The following OGFR variants were observed in gnomAD, a reference collection of about 807,000 sequenced individuals.
The protein encoded by OGFR is protein 7-60.
In OGFR, 18 loss-of-function variants were observed where a neutral mutation model predicts 33.6. That is an observed-to-expected ratio of 0.54 (90% CI 0.37 to 0.80). The LOEUF is 0.80. Among genes scored for constraint, OGFR ranks in the 30% least tolerant of loss-of-function variants. The probability of loss-of-function intolerance (pLI) is 0.00; values close to 1 mark genes in which losing one functional copy is unlikely to be tolerated. For synonymous variants in OGFR, 370 were observed against 400.7 expected (o/e 0.92, Z 0.91); for missense variants, 877 against 955.8 (o/e 0.92, Z 1.09).
chr20:62,809,627 A>G lies in OGFR; in HGVS notation c.362A>G (p.Tyr121Cys), dbSNP rs772512042. The G allele has an allele frequency of 1.3e-6, 2 of 1,582,522 alleles. No individual in the cohort carries two copies. Among genetic ancestry groups the G allele is most frequent in the Non-Finnish European group, 1.7e-6 (2 of 1,160,582 alleles). Reference sequence around the variant, plus strand: ...ATTCTTCAGAACTGGACGGACAACTATGACCTCCTTGAGGACAATCACTCC... The same window carrying G: ...ATTCTTCAGAACTGGACGGACAACTGTGACCTCCTTGAGGACAATCACTCC... The part of the protein sequence containing the change: ...EDILQNWTDN[Y>C]DLLEDNHSYI... Residue 121 changes from tyrosine to cysteine, a missense_variant, in exon 4 of 7, where the codon TAT becomes TGT. Physicochemically the swap from Tyr to Cys is radical, Grantham distance 194 (BLOSUM62 -2). Around this residue, in one of 3 missense-constraint regions of OGFR, gnomAD observed 760 missense variants for 736.0 expected, o/e 1.03. Coordinates refer to ENST00000290291, the MANE Select transcript of OGFR (RefSeq NM_007346.4).
intron 6 of OGFR, 52 bp from the exon 7 acceptor site, chr20:62,812,178 C>T: frequency 7.0e-7 from 1 of 1,432,274 alleles, no homozygotes; most frequent in Non-Finnish European, 9.2e-7. Flanking sequence ...GGGGTGCGGC[C>T]CAGCAGGAGG....
chr20:62,811,361 A>G, intron 5 of OGFR, 101 bp from the exon 6 acceptor site: 1 of 1,245,634 alleles, frequency 8.0e-7, no homozygotes, highest in Non-Finnish European at 1.1e-6. Flanking sequence ...CTGTCTGTCT[A>G]GTCCAGGCCT....
chr20:62,807,436 C>A, intron 1 of OGFR, 101 bp from the exon 2 acceptor site: 1 of 1,002,080 alleles, frequency 1.0e-6, no homozygotes, highest in Non-Finnish European at 1.5e-6. Context: ...CCTTTAAAGA[C>A]AGCTCTGTGG....
rs1226093403 is a variant in OGFR, at chr20:62,813,189, G to A, written c.1574G>A (p.Ser525Asn). 6.5e-7 allele frequency: 1 copy of A among 1,528,784 alleles called. No individual in the cohort carries two copies. Among genetic ancestry groups the A allele is most frequent in the Non-Finnish European group, 8.9e-7 (1 of 1,119,364 alleles). 94.7% of individuals were successfully genotyped at this position (1,528,784 alleles called of 1,614,324 possible). A position where few individuals can be genotyped will look rare whatever the true frequency, so the allele number is the denominator to read the frequency against. Residue 525 changes from serine to asparagine, a missense_variant, in exon 7 of 7, where the codon AGC (serine) becomes AAC (asparagine). By Grantham distance (46) the Ser-to-Asn change is conservative (BLOSUM62 1). Transcript: ENST00000290291. The stretch of plus-strand genomic sequence containing the variant: ...AGCCCATCGGAGACCCCAGGCCCCA[G>A]CCCAGCAGGACCTGCAGGGGACGAG... ...PGSPSETPGP[S>N]PAGPAGDEPA...
In OGFR at chr20:62,813,789, C is replaced by T. The variant is rs189026048; in HGVS notation, c.*140C>T. 3.0e-5 allele frequency: 31 copies of T among 1,027,362 alleles called. No homozygotes were observed. The African/African-American group carries it at 3.4e-4, about 11-fold the overall frequency. The allele number at this position is 1,027,362 out of a possible 1,614,324, so 63.6% of individuals were successfully genotyped here. A position where few individuals can be genotyped will look rare whatever the true frequency, so the allele number is the denominator to read the frequency against. On this transcript the variant is annotated 3_prime_UTR_variant, in exon 7 of 7. Coordinates refer to ENST00000290291, the MANE Select transcript of OGFR (RefSeq NM_007346.4). ...CCACAGTGCTGGCCTCCTGTGGGGCCACTATAGCAGCCACCAGAAGCCGCG... is the reference window on the plus strand; with the variant it reads ...CCACAGTGCTGGCCTCCTGTGGGGCTACTATAGCAGCCACCAGAAGCCGCG...
chr20:62,813,667 G>A lies in OGFR; in HGVS notation c.*18G>A, dbSNP rs201438021. The A allele has an allele frequency of 8.3e-5, 133 of 1,609,990 alleles. No homozygotes were observed. In the Admixed American group the frequency reaches 9.7e-4, roughly 12 times the overall value. ...AGCCTTAAGGAAAGGAGTGCCCGTC[G>A]GCGTCTTGGTCCTCCTGTCCCTGCT... On this transcript the variant is annotated 3_prime_UTR_variant, in exon 7 of 7. Transcript: ENST00000290291.
intron 3 of OGFR, among the ~76,000 whole-genome samples, chr20:62,809,243 G>C (rs932232847): frequency 1.7e-4 from 26 of 152,172 alleles, no homozygotes; most frequent in African/African-American, 6.3e-4. Context: ...GACGGGCCAC[G>C]CTTTTGCAGG....
In OGFR at chr20:62,811,625, C is replaced by CG; in HGVS notation, c.614+15_614+16insG. 1 of 1,548,456 alleles carries CG rather than the reference C, an allele frequency of 6.5e-7. No homozygotes were observed. Among genetic ancestry groups the CG allele is most frequent in the Non-Finnish European group, 8.7e-7 (1 of 1,145,118 alleles). On this transcript the variant is annotated intron_variant, in intron 6 of 6. Transcript: ENST00000290291. ...AACCTGAACTGGTGAGGCCCGGCTG[C>CG]TCCCGCCCACCCCCACCCCGGCGCA...
intron 5 of OGFR, among the ~76,000 whole-genome samples, 161 bp downstream of exon 5, chr20:62,810,726 T>C (rs1378834394): frequency 6.6e-6 from 1 of 152,166 alleles, no homozygotes; most frequent in Non-Finnish European, 1.5e-5. Context: ...ATGATGACCT[T>C]CCCTCCCCAG....
intron 1 of OGFR, chr20:62,805,424 T>TGGGGCCCGGGCC (rs1360587458): frequency 6.8e-6 from 1 of 148,002 alleles, no homozygotes; most frequent in Non-Finnish European, 1.5e-5. Context: ...GGGCTGGGGC[T>TGGGGCCCGGGCC]GGGGCCCGGG....
intron 5 of OGFR, among the ~76,000 whole-genome samples, chr20:62,810,961 C>T (rs1164379659): frequency 2.0e-5 from 3 of 152,230 alleles, no homozygotes; most frequent in East Asian, 1.9e-4. Flanking sequence ...CCATGGCCAG[C>T]GACTTCCTCT....
In OGFR at chr20:62,813,180, C is replaced by G. The variant is rs777715635; in HGVS notation, c.1565C>G (p.Pro522Arg). 4.6e-6 allele frequency: 7 copies of G among 1,528,620 alleles called. No homozygotes were observed. The highest frequency in any genetic ancestry group is 6.3e-6 in the Non-Finnish European group (7 of 1,119,406). The allele number at this position is 1,528,620 out of a possible 1,614,324, so 94.7% of individuals were successfully genotyped here. A position where few individuals can be genotyped will look rare whatever the true frequency, so the allele number is the denominator to read the frequency against. ...EGTPGSPSET[P>R]GPSPAGPAGD... ...ACCCCTGGGAGCCCATCGGAGACCC[C>G]AGGCCCCAGCCCAGCAGGACCTGCA... Residue 522 changes from proline (P) to arginine (R), a missense_variant, in exon 7 of 7, where the codon CCA (proline) becomes CGA (arginine). Pro to Arg is a moderately radical substitution (Grantham distance 103, BLOSUM62 -2). Transcript: ENST00000290291.
intron 1 of OGFR, chr20:62,807,301 GC>G: frequency 3.6e-6 from 2 of 562,796 alleles, no homozygotes; most frequent in Admixed American, 3.2e-5. Context: ...CCTGGCTACC[GC>G]AGCCCTCTCT....
chr20:62,811,120 G>C (rs1030279684), intron 5 of OGFR, among the ~76,000 whole-genome samples: 1 of 152,254 alleles, frequency 6.6e-6, no homozygotes, highest in African/African-American at 2.4e-5. Context: ...CCAGCACTTT[G>C]AGAGGCTGAG....
chr20:62,805,061 G>A, intron 1 of OGFR, 31 bp downstream of exon 1: 43 of 1,297,254 alleles, frequency 3.3e-5, no homozygotes, highest in Non-Finnish European at 4.1e-5. Context: ...AGAGGCCTGG[G>A]GTCCCCGGCG....
At chr20:62,807,798 G>A in intron 2 of OGFR, 193 bp downstream of exon 2, 1 of 625,064 alleles carries the variant, frequency 1.6e-6, no homozygotes, top group Non-Finnish European at 2.8e-6. Flanking sequence ...GGGAGACCGG[G>A]GGCATCCCCC....
At position 62,812,706 on chromosome 20, in the gene OGFR, A is replaced by G; in HGVS notation, c.1091A>G (p.Asp364Gly). Residue 364 changes from aspartate to glycine, a missense_variant, in exon 7 of 7, where the codon GAT (aspartate) becomes GGT (glycine). Physicochemically the swap from Asp to Gly is moderately conservative, Grantham distance 94. Coordinates refer to ENST00000290291, the MANE Select transcript of OGFR (RefSeq NM_007346.4). ...DAGPLERSQG[D>G]EAGGHGEDRP... is the part of the protein sequence containing the mutation. ...GGACCCCTGGAGAGGAGCCAGGGGG[A>G]TGAGGCAGGGGGCCACGGGGAAGAT... 6.3e-7 allele frequency: 1 copy of G among 1,583,626 alleles called. No homozygotes were observed. The highest frequency in any genetic ancestry group is 8.6e-7 in the Non-Finnish European group (1 of 1,165,382).
At chr20:62,807,477 C>T in intron 1 of OGFR, 60 bp from the exon 2 acceptor site, 36 of 1,505,454 alleles carry the variant, frequency 2.4e-5, no homozygotes, top group Non-Finnish European at 3.1e-5. Flanking sequence ...GCCCTCACCA[C>T]GTTGGGACTC....
Position 62,811,626 on chromosome 20 carries a change from T to TGGCCCCCCCCCCCCCCCCCCCCC in OGFR, c.614+16_614+17insGGCCCCCCCCCCCCCCCCCCCCC. 6.7e-7 allele frequency: 1 copy of TGGCCCCCCCCCCCCCCCCCCCCC among 1,502,548 alleles called. No individual in the cohort carries two copies. The highest frequency in any genetic ancestry group is 9.0e-7 in the Non-Finnish European group (1 of 1,110,136). 93.1% of individuals were successfully genotyped at this position (1,502,548 alleles called of 1,614,324 possible). ...ACCTGAACTGGTGAGGCCCGGCTGCTCCCGCCCACCCCCACCCCGGCGCAG... is the reference window on the plus strand; with the variant it reads ...ACCTGAACTGGTGAGGCCCGGCTGCTGGCCCCCCCCCCCCCCCCCCCCCCCCGCCCACCCCCACCCCGGCGCAG... On this transcript the variant is annotated intron_variant, in intron 6 of 6. Coordinates refer to ENST00000290291, the MANE Select transcript of OGFR (RefSeq NM_007346.4).
Sources: gnomAD v4.1 joint callset for allele counts (sites outside exome capture counted in the v4.1 genomes callset) on GRCh38, gnomAD v4.1.1 for gene constraint, gnomAD v4.1.1 regional missense constraint, MANE v1.5 for transcripts, NCBI Gene and HGNC (gene_info 2026-07-23, HGNC 2026-07-21) for gene names.